The following UNC80 variants were observed in gnomAD, a reference collection of about 807,000 sequenced individuals.
UNC80 encodes the protein unc-80 subunit of NALCN channel complex.
In UNC80, 164 loss-of-function variants were observed where a neutral mutation model predicts 384.6. The ratio of observed to expected loss-of-function variants is 0.43; its 90% confidence interval spans 0.38 to 0.49. The LOEUF (loss-of-function observed/expected upper bound fraction) is 0.49, where lower values mean the gene tolerates loss of function less well. Among genes scored for constraint, UNC80 ranks in the 20% least tolerant of loss-of-function variants. The probability of loss-of-function intolerance (pLI) is 0.00; values close to 1 mark genes in which losing one functional copy is unlikely to be tolerated. For missense variants in UNC80, 3,330 were observed against 4,143.0 expected (o/e 0.80, Z 5.39); for synonymous variants, 1,486 against 1,527.8 (o/e 0.97, Z 0.64).
intron 28 of UNC80, among the ~76,000 whole-genome samples, chr2:209,900,108 A>G (rs906740631): frequency 3.9e-5 from 6 of 152,268 alleles, no homozygotes; most frequent in African/African-American, 1.4e-4. Flanking sequence ...CATACCCTTC[A>G]TCCTGACTGC....
At position 209,994,131 on chromosome 2, in the gene UNC80, C is replaced by T. The variant is rs1224904650; in HGVS notation, c.9575C>T (p.Ala3192Val). Residue 3192 changes from alanine to valine, a missense_variant, in exon 64 of 65, where the codon GCG becomes GTG. By Grantham distance (64) the Ala-to-Val change is moderately conservative (BLOSUM62 0). Coordinates refer to ENST00000673920, the MANE Select transcript of UNC80 (RefSeq NM_001371986.1). ...QPEPAAAPTD[A>V]LPATGQLQGC... ...GAGCCAGCAGCTGCCCCAACAGATG[C>T]GCTTCCTGCAACAGGCCAACTACAG... 1.4e-5 allele frequency: 21 copies of T among 1,551,682 alleles called. No homozygotes were observed. Among genetic ancestry groups the T allele is most frequent in the South Asian group, 5.9e-5 (5 of 84,054 alleles).
At chr2:209,775,280 C>T (rs1215041845) in intron 2 of UNC80, among the ~76,000 whole-genome samples, 2 of 152,092 alleles carry the variant, frequency 1.3e-5, no homozygotes, top group Non-Finnish European at 2.9e-5. Context: ...TTTTCCTCCT[C>T]CCTCCCTCCT....
intron 29 of UNC80, among the ~76,000 whole-genome samples, chr2:209,911,166 A>G (rs1183840797): frequency 7.0e-6 from 1 of 142,126 alleles, no homozygotes; most frequent in African/African-American, 2.4e-5. Context: ...TTATTATTTT[A>G]TAAATATAAA....
chr2:209,880,935 T>C (rs199932108), intron 24 of UNC80, 26 bp from the exon 25 acceptor site: 2 of 1,550,662 alleles, frequency 1.3e-6, no homozygotes, highest in Non-Finnish European at 1.7e-6. Context: ...TTTGTCTCCT[T>C]ATGAAAGAAC....
chr2:209,851,910 G>C (rs1360641643), intron 22 of UNC80, among the ~76,000 whole-genome samples: 4 of 152,024 alleles, frequency 2.6e-5, no homozygotes, highest in Non-Finnish European at 4.4e-5. Context: ...TTTAAAGCAT[G>C]CAATAATAAT....
chr2:209,906,648 A>G (rs1051493792), intron 29 of UNC80, among the ~76,000 whole-genome samples: 2 of 152,154 alleles, frequency 1.3e-5, no homozygotes, highest in African/African-American at 4.8e-5. Flanking sequence ...TGCAAATAAT[A>G]CAAATTCTGA....
At chr2:209,945,782 T>G (rs1559374498) in intron 46 of UNC80, 65 bp from the exon 47 acceptor site, 1 of 1,018,214 alleles carries the variant, frequency 9.8e-7, no homozygotes, top group Non-Finnish European at 1.5e-6. Context: ...TTAGGAGTAA[T>G]AGGTGCTTCT....
chr2:209,888,275 A>T lies in UNC80; in HGVS notation c.4276+15A>T. 6.4e-7 allele frequency: 1 copy of T among 1,551,096 alleles called. No individual in the cohort carries two copies. The highest frequency in any genetic ancestry group is 8.7e-7 in the Non-Finnish European group (1 of 1,146,630). On this transcript the variant is annotated intron_variant, in intron 26 of 64. Coordinates refer to ENST00000673920, the MANE Select transcript of UNC80 (RefSeq NM_001371986.1). Reference sequence around the variant, plus strand: ...GGAGAAGAAAGGTATGGAAACACAAAGGTTCCTTCATGTTTCAGGGTTTCT... The same window carrying T: ...GGAGAAGAAAGGTATGGAAACACAATGGTTCCTTCATGTTTCAGGGTTTCT...
rs371893801 is a variant in UNC80 at position 209,973,135 on chromosome 2, C to T, written c.8452C>T (p.Arg2818Trp). 5 of 1,551,634 alleles carry T rather than the reference C, an allele frequency of 3.2e-6. No individual in the cohort carries two copies. The highest frequency in any genetic ancestry group is 2.0e-5 in the Admixed American group (1 of 51,008). Residue 2818 changes from arginine (R) to tryptophan (W), a missense_variant, in exon 56 of 65, where the codon CGG becomes TGG. Arg to Trp is a moderately radical substitution (Grantham distance 101). Transcript: ENST00000673920. ...QTVINVLLPP[R>W]IISTSRSKNF... ...AGTCATCAATGTACTCCTCCCACCG[C>T]GGATCATCAGCACATCCAGGAGCAA...
At chr2:209,908,918 A>C (rs909545902) in intron 29 of UNC80, among the ~76,000 whole-genome samples, 2 of 152,194 alleles carry the variant, frequency 1.3e-5, no homozygotes, top group Non-Finnish European at 2.9e-5. Context: ...GAAACGAGGA[A>C]ATCCCTTTCT....
chr2:209,796,493 AG>A (rs1167200695), intron 7 of UNC80: 1 of 152,188 alleles, frequency 6.6e-6, no homozygotes, highest in Non-Finnish European at 1.5e-5. Flanking sequence ...TGGAGGCGCA[AG>A]GGGTGGAATG....
Position 209,954,215 on chromosome 2 carries a change from G to A in UNC80, c.7402G>A (p.Ala2468Thr). ...PAAREEIAAT[A>T]ALATSLQALL... ...TGCCCGAGAGGAGATTGCGGCCACT[G>A]CTGCTCTTGCGACGTCCCTACAGGC... The change falls in exon 48 of 65, where the codon GCT becomes ACT. Residue 2468 changes from alanine to threonine, a missense_variant. By Grantham distance (58) the Ala-to-Thr change is moderately conservative. Coordinates refer to ENST00000673920, the MANE Select transcript of UNC80 (RefSeq NM_001371986.1). 1.3e-6 allele frequency: 2 copies of A among 1,551,032 alleles called. No individual in the cohort carries two copies. Among genetic ancestry groups the A allele is most frequent in the Admixed American group, 3.9e-5 (2 of 50,986 alleles).
chr2:209,858,701 A>C (rs1476848840), intron 22 of UNC80, among the ~76,000 whole-genome samples: 7 of 151,846 alleles, frequency 4.6e-5, no homozygotes, highest in Admixed American at 4.6e-4. Flanking sequence ...TTCCAAAAAA[A>C]AAAAAAGAAA....
At chr2:209,825,124 A>G (rs2080418444) in intron 13 of UNC80, among the ~76,000 whole-genome samples, 1 of 152,218 alleles carries the variant, frequency 6.6e-6, no homozygotes, top group Admixed American at 6.5e-5. Context: ...GGACTGAGAC[A>G]GGCTGCAGCT....
chr2:209,953,350 G>T (rs759682314), intron 47 of UNC80, among the ~76,000 whole-genome samples: 34 of 148,318 alleles, frequency 2.3e-4, no homozygotes, highest in Admixed American at 1.0e-3. Context: ...CCCAGGCAGA[G>T]GTTGTAGTGA....
chr2:209,782,397 C>T (rs2077200742), intron 4 of UNC80, among the ~76,000 whole-genome samples: 1 of 152,116 alleles, frequency 6.6e-6, no homozygotes, highest in Admixed American at 6.6e-5. Context: ...TACCTCACTT[C>T]TCTTTCTAGT....
At chr2:209,895,495 CT>C (rs1042397647) in intron 27 of UNC80, among the ~76,000 whole-genome samples, 10 of 152,076 alleles carry the variant, frequency 6.6e-5, no homozygotes, top group East Asian at 3.9e-4. Context: ...CTTAAGGAGA[CT>C]TTTTTTTAAA....
chr2:209,903,394 A>ATATATATATTATATATATACACAT (rs1559298324), intron 28 of UNC80, among the ~76,000 whole-genome samples: 1 of 121,184 alleles, frequency 8.3e-6, no homozygotes, highest in African/African-American at 3.2e-5. Context: ...ATATATATTT[A>ATATATATATTATATATATACACAT]TATATATATT....
intron 16 of UNC80, 22 bp downstream of exon 16, chr2:209,831,613 C>A (rs1429718893): frequency 6.6e-7 from 1 of 1,511,642 alleles, no homozygotes; most frequent in African/African-American, 1.4e-5. Context: ...TCCTCTCTTC[C>A]CACAGGAGCT....
Sources: allele counts gnomAD v4.1 joint callset (sites outside exome capture counted in the v4.1 genomes callset), GRCh38; gene constraint gnomAD v4.1.1; transcripts MANE v1.5; gene names NCBI Gene and HGNC (gene_info 2026-07-23, HGNC 2026-07-21).